MAST4: variants seen among roughly 807,000 people sequenced by gnomAD.
MAST4 encodes the protein microtubule associated serine/threonine kinase family member 4.
MAST4 carries 89 observed loss-of-function variants against 162.7 expected under a neutral mutation model. The ratio of observed to expected loss-of-function variants is 0.55; its 90% CI spans 0.46 to 0.65. The LOEUF (loss-of-function observed/expected upper bound fraction) is 0.65, where lower values mean the gene tolerates loss of function less well. Ranked by LOEUF, MAST4 falls within the 30% of genes least tolerant of loss-of-function variation. MAST4 has a pLI of 0.00. For missense variants in MAST4, 3,153 were observed against 3,374.0 expected, an observed-to-expected ratio of 0.93 and a Z score of 1.62; for synonymous variants, 1,479 against 1,361.1, an observed-to-expected ratio of 1.09 and a Z score of -1.91.
chr5:67,074,144 A>C (rs111359654), intron 5 of MAST4, among the ~76,000 whole-genome samples: 209 of 152,234 alleles, frequency 1.4e-3, no homozygotes, highest in African/African-American at 4.8e-3. Flanking sequence ...ATAAATAGGC[A>C]AAGGACATGA....
chr5:67,109,977 A>G (rs1256153023), intron 10 of MAST4, 121 bp from the exon 11 acceptor site: 9 of 675,644 alleles, frequency 1.3e-5, no homozygotes, highest in Non-Finnish European at 2.4e-5. Flanking sequence ...TTTTAATAGC[A>G]TTTTCTAAAT....
intron 1 of MAST4, among the ~76,000 whole-genome samples, chr5:66,657,161 A>G (rs1423865823): frequency 6.6e-6 from 1 of 152,222 alleles, no homozygotes; most frequent in African/African-American, 2.4e-5. Context: ...AGCTGAATAA[A>G]TCATCTGTCT....
intron 1 of MAST4, among the ~76,000 whole-genome samples, chr5:66,755,557 T>G (rs1034098271): frequency 3.9e-5 from 6 of 152,218 alleles, no homozygotes; most frequent in Non-Finnish European, 7.3e-5. Flanking sequence ...TATTTGCAGA[T>G]GGTCGTGATG....
chr5:66,865,564 T>TTAAATAA (rs1192789601), intron 3 of MAST4, among the ~76,000 whole-genome samples: 1 of 152,168 alleles, frequency 6.6e-6, no homozygotes, highest in Non-Finnish European at 1.5e-5. Flanking sequence ...ATAAAACTAT[T>TTAAATAA]AAGAAAATAT....
At chr5:66,682,009 TATC>T (rs1003799730) in intron 1 of MAST4, among the ~76,000 whole-genome samples, 5 of 152,184 alleles carry the variant, frequency 3.3e-5, no homozygotes, top group Non-Finnish European at 7.4e-5. Context: ...CCAGACAGTC[TATC>T]GTGTGTGTGT....
At chr5:66,627,815 T>G (rs1744537460) in intron 1 of MAST4, among the ~76,000 whole-genome samples, 1 of 152,306 alleles carries the variant, frequency 6.6e-6, no homozygotes, top group Non-Finnish European at 1.5e-5. Context: ...CTGTGGGATC[T>G]TGCATATTGT....
At chr5:67,142,605 A>G (rs1335064988) in intron 21 of MAST4, 72 bp downstream of exon 21, 13 of 1,019,776 alleles carry the variant, frequency 1.3e-5, no homozygotes, top group Non-Finnish European at 1.8e-5. Flanking sequence ...AGTATCCCCG[A>G]ACAGCTGGAC....
At chr5:66,700,387 A>C (rs1010857618) in intron 1 of MAST4, among the ~76,000 whole-genome samples, 11 of 152,122 alleles carry the variant, frequency 7.2e-5, no homozygotes, top group Middle Eastern at 6.8e-3. Flanking sequence ...AAATCCTTTA[A>C]GCCTTAAATT....
At chr5:67,095,427 A>G (rs558793518) in intron 6 of MAST4, among the ~76,000 whole-genome samples, 170 bp from the exon 7 acceptor site, 120 of 152,292 alleles carry the variant, frequency 7.9e-4, no homozygotes, top group African/African-American at 2.8e-3. Flanking sequence ...AGTTTAAATA[A>G]AAGTCAACCT....
At chr5:67,010,571 G>T (rs1752550161) in intron 4 of MAST4, among the ~76,000 whole-genome samples, 1 of 152,174 alleles carries the variant, frequency 6.6e-6, no homozygotes, top group Non-Finnish European at 1.5e-5. Context: ...TTACTATTAA[G>T]ACCATCTGAG....
Position 67,163,088 on chromosome 5 carries a change from T to C in MAST4, c.3968-59T>C. On this transcript the variant is annotated intron_variant, in intron 28 of 28. Transcript: ENST00000403625. The surrounding 1 kb of genome is among the most constrained non-coding windows in gnomAD (Gnocchi z 7.0). The stretch of plus-strand genomic sequence containing the variant: ...TACCTAATACAGTCTGGGCTACAAC[T>C]GTGAAAAAAAGGGGAAAATGACCAT... 1 of 1,536,994 alleles carries C rather than the reference T, an allele frequency of 6.5e-7. No individual in the cohort carries two copies. Among genetic ancestry groups the C allele is most frequent in the Non-Finnish European group, 8.8e-7 (1 of 1,131,548 alleles).
At chr5:66,751,131 C>T (rs1180460425) in intron 1 of MAST4, among the ~76,000 whole-genome samples, 13 of 151,984 alleles carry the variant, frequency 8.6e-5, no homozygotes, top group Admixed American at 5.9e-4. Context: ...ACATCCACAC[C>T]CAAAACCCAT....
intron 19 of MAST4, among the ~76,000 whole-genome samples, chr5:67,138,520 G>A (rs868409460): frequency 3.3e-5 from 5 of 151,688 alleles, no homozygotes; most frequent in Non-Finnish European, 7.4e-5. Flanking sequence ...TGCAACCTCC[G>A]CCTCCCAGGT....
At chr5:66,724,880 T>C (rs979104926) in intron 1 of MAST4, among the ~76,000 whole-genome samples, 3 of 152,040 alleles carry the variant, frequency 2.0e-5, no homozygotes, top group African/African-American at 7.2e-5. Flanking sequence ...TCAATAATTT[T>C]TACTTAAAGA....
chr5:66,644,368 A>G (rs572612077), intron 1 of MAST4, among the ~76,000 whole-genome samples: 37 of 152,322 alleles, frequency 2.4e-4, no homozygotes, highest in South Asian at 1.2e-3. Context: ...AATGCTGATT[A>G]CAAAAGCTTA....
chr5:67,080,538 A>C (rs1160859023), intron 5 of MAST4, among the ~76,000 whole-genome samples: 1 of 152,172 alleles, frequency 6.6e-6, no homozygotes, highest in Non-Finnish European at 1.5e-5. Context: ...CAGATTGTCT[A>C]CTAAAGATAT....
At chr5:66,663,450 G>A (rs1747039007) in intron 1 of MAST4, among the ~76,000 whole-genome samples, 1 of 152,212 alleles carries the variant, frequency 6.6e-6, no homozygotes. Context: ...AAGGGAGATA[G>A]CGAGTGATGA....
At chr5:66,872,400 C>T (rs891795499) in intron 3 of MAST4, among the ~76,000 whole-genome samples, 10 of 152,136 alleles carry the variant, frequency 6.6e-5, no homozygotes, top group African/African-American at 2.4e-4. Flanking sequence ...AAACTCCTGA[C>T]CTCAGGTGAT....
chr5:66,731,908 C>A (rs1751880843), intron 1 of MAST4, among the ~76,000 whole-genome samples: 1 of 152,040 alleles, frequency 6.6e-6, no homozygotes, highest in African/African-American at 2.4e-5. Flanking sequence ...CAAGTAAGAA[C>A]CCCATGGAGA....
Sources: allele counts gnomAD v4.1 joint callset (sites outside exome capture counted in the v4.1 genomes callset), GRCh38; gene constraint gnomAD v4.1.1; non-coding constraint Gnocchi (gnomAD v3.1); transcripts MANE v1.5; gene names NCBI Gene and HGNC (gene_info 2026-07-23, HGNC 2026-07-21).